CFDP1: variants seen among roughly 807,000 people sequenced by gnomAD.
The protein encoded by CFDP1 is heterochromatin-stabilizing protein CFDP1.
In CFDP1, 31 loss-of-function variants were observed where a neutral mutation model predicts 40.1. The ratio of observed to expected loss-of-function variants is 0.77; its 90% CI spans 0.58 to 1.04. CFDP1 has a LOEUF of 1.04. CFDP1 is among the 50% of genes least tolerant of loss of function. CFDP1 has a pLI of 0.00. For synonymous variants in CFDP1, 167 were observed against 120.0 expected (o/e 1.39, Z -2.56); for missense variants, 423 against 343.4 (o/e 1.23, Z -1.83).
In CFDP1 at chr16:75,328,385, G is replaced by A. The variant is rs542804041; in HGVS notation, c.651-23203C>T. ...GGATCACCTGAGGTCAGGAGTTCGA[G>A]ACCAGCCTGGCCAACATGGTGAAAC... On this transcript the variant is annotated intron_variant, in intron 5 of 6. Coordinates refer to ENST00000283882, the MANE Select transcript of CFDP1 (RefSeq NM_006324.3). Among the ~76,000 whole-genome samples, 171 of 147,934 alleles carry A rather than the reference G, an allele frequency of 1.2e-3. 1 individual carries two copies. Among genetic ancestry groups the A allele is most frequent in the African/African-American group, 4.2e-3 (169 of 40,458 alleles).
At chr16:75,352,038 AGGTAAATG>A (rs2078616297) in intron 5 of CFDP1, among the ~76,000 whole-genome samples, 3 of 148,540 alleles carry the variant, frequency 2.0e-5, no homozygotes, top group Non-Finnish European at 3.0e-5. Flanking sequence ...AAAAAAGAAA[AGGTAAATG>A]AAAGAATTTA....
chr16:75,386,240 G>A (rs1447119027), intron 5 of CFDP1, among the ~76,000 whole-genome samples: 1 of 152,102 alleles, frequency 6.6e-6, no homozygotes, highest in Non-Finnish European at 1.5e-5. Flanking sequence ...AAAGGAAAAA[G>A]GCTGCTATGT....
At chr16:75,408,555 G>A (rs976288680) in intron 4 of CFDP1, among the ~76,000 whole-genome samples, 1 of 151,932 alleles carries the variant, frequency 6.6e-6, no homozygotes, top group African/African-American at 2.4e-5. Context: ...GAGGAGGGTG[G>A]ATCATAAGGT....
At chr16:75,322,806 G>A (rs1280315765) in intron 5 of CFDP1, among the ~76,000 whole-genome samples, 3 of 151,848 alleles carry the variant, frequency 2.0e-5, no homozygotes, top group Non-Finnish European at 4.4e-5. Flanking sequence ...CTGGTCCCAT[G>A]CATTTTGGGT....
chr16:75,429,319 G>C (rs532562252), intron 1 of CFDP1, among the ~76,000 whole-genome samples: 3 of 152,120 alleles, frequency 2.0e-5, no homozygotes, highest in Non-Finnish European at 4.4e-5. Flanking sequence ...AATCAATTAC[G>C]CCTGAGGGGC....
At chr16:75,323,911 T>C (rs1447564166) in intron 5 of CFDP1, among the ~76,000 whole-genome samples, 1 of 152,252 alleles carries the variant, frequency 6.6e-6, no homozygotes, top group Non-Finnish European at 1.5e-5. Flanking sequence ...GGTGTGTGAC[T>C]GTATTTATTT....
intron 5 of CFDP1, among the ~76,000 whole-genome samples, chr16:75,351,175 TGA>T (rs1347959659): frequency 2.3e-4 from 35 of 152,304 alleles, no homozygotes; most frequent in Admixed American, 1.8e-3. Flanking sequence ...TAAGATAACC[TGA>T]GAGTTCTAAA....
chr16:75,329,556 G>C (rs1039867316), intron 5 of CFDP1, among the ~76,000 whole-genome samples: 1 of 152,166 alleles, frequency 6.6e-6, no homozygotes, highest in African/African-American at 2.4e-5. Context: ...GCAGTGGCAT[G>C]ATCATAACTC....
intron 2 of CFDP1, 87 bp downstream of exon 2, chr16:75,414,491 A>G (rs2079187491): frequency 1.2e-6 from 1 of 800,772 alleles, no homozygotes; most frequent in Non-Finnish European, 2.1e-6. Flanking sequence ...CTCTGGCTTC[A>G]TTAAATCTAT....
At chr16:75,363,394 C>T (rs113406553) in intron 5 of CFDP1, among the ~76,000 whole-genome samples, 442 of 150,714 alleles carry the variant, frequency 2.9e-3, no homozygotes, top group African/African-American at 0.01. Flanking sequence ...AAGCACTTTA[C>T]CTTTTTTTTT....
At chr16:75,393,600 G>C (rs574252139) in intron 5 of CFDP1, among the ~76,000 whole-genome samples, 7 of 149,876 alleles carry the variant, frequency 4.7e-5, no homozygotes, top group Non-Finnish European at 1.0e-4. Flanking sequence ...GCGCGGTGGC[G>C]GGCGCCTGTA....
chr16:75,431,879 A>G (rs1320792699), intron 1 of CFDP1, among the ~76,000 whole-genome samples: 2 of 110,590 alleles, frequency 1.8e-5, no homozygotes, highest in African/African-American at 5.5e-5. Flanking sequence ...AATATTAAAT[A>G]AAATAGGGAT....
At chr16:75,301,777 A>G (rs1402532367) in intron 6 of CFDP1, 7 of 152,078 alleles carry the variant, frequency 4.6e-5, no homozygotes, top group African/African-American at 1.7e-4. Flanking sequence ...CTCTTGATTC[A>G]GCAGCTCTGT....
At chr16:75,421,216 C>A (rs998605270) in intron 1 of CFDP1, among the ~76,000 whole-genome samples, 3 of 152,168 alleles carry the variant, frequency 2.0e-5, no homozygotes, top group Non-Finnish European at 4.4e-5. Context: ...AGCACAGCAG[C>A]AGGAACTCTG....
intron 4 of CFDP1, among the ~76,000 whole-genome samples, chr16:75,397,500 C>T (rs2079006157): frequency 6.6e-6 from 1 of 151,046 alleles, no homozygotes; most frequent in African/African-American, 2.4e-5. Context: ...AGCAAGACTC[C>T]GTCTCAAAAA....
Position 75,293,868 on chromosome 16 carries a change from A to G in CFDP1, c.*84T>C, listed in dbSNP as rs2078163104. The stretch of plus-strand genomic sequence containing the variant: ...AGACCTTGCTGGGAAACAGATGATG[A>G]GAAACACTGTAAAACATTTCACAGA... On this transcript the variant is annotated 3_prime_UTR_variant, in exon 7 of 7. Coordinates refer to ENST00000283882, the MANE Select transcript of CFDP1 (RefSeq NM_006324.3). The G allele has an allele frequency of 1.8e-6, 2 of 1,123,008 alleles. No individual in the cohort carries two copies. The highest frequency in any genetic ancestry group is 2.6e-6 in the Non-Finnish European group (2 of 755,456). The allele number at this position is 1,123,008 out of a possible 1,614,324, so 69.6% of individuals were successfully genotyped here.
intron 5 of CFDP1, among the ~76,000 whole-genome samples, chr16:75,388,934 TC>T (rs201530724): frequency 0.024 from 3,543 of 145,296 alleles, 76 homozygotes; most frequent in African/African-American, 0.061. Flanking sequence ...TTTTTTTTTT[TC>T]CACTCCATAG....
chr16:75,319,848 C>T lies in CFDP1; in HGVS notation c.651-14666G>A, dbSNP rs78273066. On this transcript the variant is annotated intron_variant, in intron 5 of 6. Coordinates refer to ENST00000283882, the MANE Select transcript of CFDP1 (RefSeq NM_006324.3). ...AGAATGGGGTTACTTAAGCATGAGC[C>T]CTAAGTGTCACTTTGCTAAGGCAAT... is the stretch of plus-strand genomic sequence containing the variant. Among the ~76,000 whole-genome samples the T allele has an allele frequency of 2.6e-5, 4 of 152,246 alleles. No homozygotes were observed. The East Asian group carries it at 7.7e-4, about 29-fold the overall frequency.
At chr16:75,393,481 CTT>C (rs1181735330) in intron 5 of CFDP1, among the ~76,000 whole-genome samples, 1 of 152,106 alleles carries the variant, frequency 6.6e-6, no homozygotes, top group African/African-American at 2.4e-5. Flanking sequence ...AATCAACACT[CTT>C]TTTAAAAATG....
Sources: allele counts gnomAD v4.1 joint callset (sites outside exome capture counted in the v4.1 genomes callset), GRCh38; gene constraint gnomAD v4.1.1; transcripts MANE v1.5; gene names NCBI Gene and HGNC (gene_info 2026-07-23, HGNC 2026-07-21).